Variants in MYO18B observed in about 807,000 individuals in gnomAD.
The protein encoded by MYO18B is unconventional myosin-XVIIIb.
In MYO18B, 204 loss-of-function variants were observed where a neutral mutation model predicts 273.0. The observed-to-expected ratio is 0.75, with a 90% confidence interval of 0.67 to 0.84. The LOEUF (loss-of-function observed/expected upper bound fraction) is 0.84. Ranked by LOEUF, MYO18B falls within the 40% of genes least tolerant of loss-of-function variation. MYO18B has a pLI of 0.00. For synonymous variants in MYO18B, 1,330 were observed against 1,305.7 expected (o/e 1.02, Z -0.40); for missense variants, 3,212 against 3,287.6 (o/e 0.98, Z 0.56).
chr22:25,997,320 AAAAAAAAAAAC>A (rs1933380591), intron 40 of MYO18B, among the ~76,000 whole-genome samples: 1 of 149,922 alleles, frequency 6.7e-6, no homozygotes, highest in South Asian at 2.1e-4. Flanking sequence ...AAAAAAAAAA[AAAAAAAAAAAC>A]GAAGGAAAAA....
intron 1 of MYO18B, among the ~76,000 whole-genome samples, chr22:25,752,219 G>A (rs1248978098): frequency 2.1e-5 from 3 of 142,178 alleles, no homozygotes; most frequent in East Asian, 2.0e-4. Context: ...ACGGAGTCTC[G>A]CTCTGTCGCC....
rs772339555 is a variant in MYO18B at position 25,826,469 on chromosome 22, T to A, written c.2756T>A (p.Leu919His). The A allele has an allele frequency of 2.5e-6, 4 of 1,613,868 alleles. No individual in the cohort carries two copies. The highest frequency in any genetic ancestry group is 3.4e-6 in the Non-Finnish European group (4 of 1,179,766). ...EGMASGLYQE[L>H]FAAVVSLINR... The stretch of plus-strand genomic sequence containing the variant: ...ATGGCCTCGGGCCTGTACCAGGAAC[T>A]CTTTGCGGCTGTGGTCTCACTCATC... Residue 919 changes from leucine to histidine, a missense_variant, in exon 14 of 44, where the codon CTC becomes CAC. Leu to His is a moderately conservative substitution (Grantham distance 99). Transcript: ENST00000335473.
At chr22:25,887,281 AGT>A (rs1163116972) in intron 25 of MYO18B, among the ~76,000 whole-genome samples, 1 of 152,216 alleles carries the variant, frequency 6.6e-6, no homozygotes, top group Non-Finnish European at 1.5e-5. Flanking sequence ...AACAAGCAAC[AGT>A]GACGGTCCCA....
At chr22:25,847,948 T>TACACAC (rs59375568) in intron 20 of MYO18B, among the ~76,000 whole-genome samples, 13 of 146,280 alleles carry the variant, frequency 8.9e-5, no homozygotes, top group African/African-American at 3.0e-4. Context: ...CACACACACA[T>TACACAC]ACACACACAC....
At chr22:25,842,681 A>G (rs868082016) in intron 17 of MYO18B, among the ~76,000 whole-genome samples, 33 of 152,116 alleles carry the variant, frequency 2.2e-4, no homozygotes, top group African/African-American at 7.7e-4. Context: ...TCAAAAAAAA[A>G]AAAAAAAAAA....
intron 3 of MYO18B, 87 bp from the exon 4 acceptor site, chr22:25,768,028 A>G: frequency 8.2e-7 from 1 of 1,216,802 alleles, no homozygotes; most frequent in Non-Finnish European, 1.2e-6. Context: ...GAAGTGAACA[A>G]TGAAATGAAT....
At chr22:25,936,933 G>A (rs1029325939) in intron 34 of MYO18B, among the ~76,000 whole-genome samples, 1 of 152,132 alleles carries the variant, frequency 6.6e-6, no homozygotes. Flanking sequence ...CATCACATTA[G>A]GGGGTGGCTT....
chr22:25,935,063 C>T (rs1042350219), intron 34 of MYO18B, among the ~76,000 whole-genome samples: 4 of 152,174 alleles, frequency 2.6e-5, no homozygotes, highest in South Asian at 2.1e-4. Context: ...TCTGCCCTGA[C>T]CATTAATAGT....
At chr22:25,751,234 T>C (rs948644329) in intron 1 of MYO18B, among the ~76,000 whole-genome samples, 1 of 152,172 alleles carries the variant, frequency 6.6e-6, no homozygotes, top group Non-Finnish European at 1.5e-5. Context: ...AATCTCAGAG[T>C]GGAACAGAAA....
downstream of MYO18B, among the ~76,000 whole-genome samples, chr22:26,033,114 G>C (rs1475446797): frequency 6.6e-6 from 1 of 152,138 alleles, no homozygotes; most frequent in Non-Finnish European, 1.5e-5. Context: ...ATGCCGGAGG[G>C]AACAGACTCA....
chr22:25,927,115 A>C (rs2092432393), intron 34 of MYO18B, among the ~76,000 whole-genome samples: 1 of 152,202 alleles, frequency 6.6e-6, no homozygotes, highest in African/African-American at 2.4e-5. Flanking sequence ...CACAAATTGT[A>C]CAGCATGTGT....
chr22:25,903,625 C>A lies in MYO18B; in HGVS notation c.4948-6C>A. The A allele has an allele frequency of 6.3e-7, 1 of 1,597,144 alleles. No homozygotes were observed. The highest frequency in any genetic ancestry group is 2.3e-5 in the East Asian group (1 of 44,140). On this transcript the variant is annotated splice_polypyrimidine_tract_variant and splice_region_variant and intron_variant, in intron 30 of 43. Coordinates refer to ENST00000335473, the MANE Select transcript of MYO18B (RefSeq NM_032608.7). ...CTCCAGATCTCTGTCCTCTTTGTCT[C>A]TGTAGCAAAAGGAGCAGGAAGCCTC...
At chr22:25,957,582 G>C (rs1158128555) in intron 39 of MYO18B, among the ~76,000 whole-genome samples, 3 of 152,182 alleles carry the variant, frequency 2.0e-5, no homozygotes, top group Non-Finnish European at 4.4e-5. Context: ...AAGCTGCATA[G>C]CTTAAAACAA....
chr22:25,767,507 A>G (rs1214980910), intron 3 of MYO18B, among the ~76,000 whole-genome samples: 1 of 152,228 alleles, frequency 6.6e-6, no homozygotes, highest in Non-Finnish European at 1.5e-5. Flanking sequence ...ATCTGCCTGT[A>G]CTGGGGAAAC....
chr22:26,008,509 A>G (rs774306569), intron 42 of MYO18B, among the ~76,000 whole-genome samples: 4 of 152,240 alleles, frequency 2.6e-5, no homozygotes, highest in African/African-American at 4.8e-5. Flanking sequence ...GTCTTCTGCC[A>G]ACAAAATAAA....
chr22:25,876,907 A>T (rs1851033832), intron 24 of MYO18B: 1 of 152,036 alleles, frequency 6.6e-6, no homozygotes, highest in African/African-American at 2.4e-5. Context: ...ATTCTTGTGG[A>T]GCTCCTCCTT....
chr22:26,003,917 G>A (rs1934201562), intron 41 of MYO18B, among the ~76,000 whole-genome samples: 1 of 151,794 alleles, frequency 6.6e-6, no homozygotes, highest in Non-Finnish European at 1.5e-5. Flanking sequence ...GGGACAGAGA[G>A]CAGGTTCTAG....
At chr22:25,887,325 A>G (rs1210927528) in intron 25 of MYO18B, among the ~76,000 whole-genome samples, 2 of 152,184 alleles carry the variant, frequency 1.3e-5, no homozygotes, top group African/African-American at 4.8e-5. Context: ...AGCATTTAAC[A>G]TCCGTGAAAT....
chr22:26,011,808 TCTCA>T (rs1238592990), intron 42 of MYO18B, among the ~76,000 whole-genome samples: 19 of 152,264 alleles, frequency 1.2e-4, no homozygotes, highest in Admixed American at 6.5e-5. Flanking sequence ...TATAAATTAT[TCTCA>T]CTCACATAAT....
Sources: allele counts gnomAD v4.1 joint callset (sites outside exome capture counted in the v4.1 genomes callset), GRCh38; gene constraint gnomAD v4.1.1; transcripts MANE v1.5; gene names NCBI Gene and HGNC (gene_info 2026-07-23, HGNC 2026-07-21).